Variants in MGST3 observed in about 807,000 individuals in gnomAD.
The protein encoded by MGST3 is glutathione S-transferase 3, mitochondrial.
In MGST3, 13 loss-of-function variants were observed where a neutral mutation model predicts 15.8. That is an observed-to-expected ratio of 0.82 (90% confidence interval 0.54 to 1.31). The LOEUF is 1.31. Among genes scored for constraint, MGST3 ranks in the 50% most tolerant of loss-of-function variants. MGST3 has a pLI of 0.00. For synonymous variants in MGST3, 49 were observed against 68.1 expected (o/e 0.72, Z 1.38); for missense variants, 155 against 192.4 (o/e 0.81, Z 1.15).
At chr1:165,652,460 T>G (rs1648585997) in intron 4 of MGST3, among the ~76,000 whole-genome samples, 3 of 148,462 alleles carry the variant, frequency 2.0e-5, no homozygotes, top group Admixed American at 1.3e-4. Context: ...TTGTGGGGTG[T>G]GGGGTGGTCA....
At position 165,645,338 on chromosome 1, in the gene MGST3, G is replaced by A. The variant is rs564484283; in HGVS notation, c.-7-4503G>A. 1.3e-4 allele frequency among the ~76,000 whole-genome samples: 19 copies of A among 151,976 alleles called. No homozygotes were observed. The South Asian group carries it at 1.9e-3, about 15-fold the overall frequency. On this transcript the variant is annotated intron_variant, in intron 1 of 5. Coordinates refer to ENST00000367889, the MANE Select transcript of MGST3 (RefSeq NM_004528.4). ...TACAGGGTCAGGATCATCAGTATCC[G>A]TCTTCTGCCTCCACATCTTGCCCCA...
rs751677791 is a variant in MGST3, at chr1:165,655,378, G to T, written c.333G>T (p.Lys111Asn). 1 of 1,613,986 alleles carries T rather than the reference G, an allele frequency of 6.2e-7. No individual in the cohort carries two copies. The highest frequency in any genetic ancestry group is 8.5e-7 in the Non-Finnish European group (1 of 1,179,936). The change falls in exon 6 of 6, where the codon AAG (lysine) becomes AAT (asparagine). Residue 111 changes from lysine (K) to asparagine (N), a missense_variant. Transcript: ENST00000367889. ...AYGYYTGEPS[K>N]RSRGALGSIA... ...TTTCTTCTTTTTCAGAACCCAGCAAGCGTAGTCGAGGAGCCCTGGGGTCCA... is the reference window on the plus strand; with the variant it reads ...TTTCTTCTTTTTCAGAACCCAGCAATCGTAGTCGAGGAGCCCTGGGGTCCA...
intron 1 of MGST3, among the ~76,000 whole-genome samples, chr1:165,644,981 G>A (rs1648359073): frequency 6.6e-6 from 1 of 152,074 alleles, no homozygotes; most frequent in African/African-American, 2.4e-5. Flanking sequence ...GGCTGGTTTT[G>A]AACTCCTGAC....
At chr1:165,643,320 A>C (rs1648308633) in intron 1 of MGST3, among the ~76,000 whole-genome samples, 1 of 152,112 alleles carries the variant, frequency 6.6e-6, no homozygotes, top group Non-Finnish European at 1.5e-5. Context: ...CATCATAAAT[A>C]TTGCTGAAGT....
intron 1 of MGST3, chr1:165,647,001 A>T (rs1648423013): frequency 6.6e-6 from 1 of 152,250 alleles, no homozygotes; most frequent in African/African-American, 2.4e-5. Context: ...AGGCACTTGC[A>T]CTGTCCCTAT....
intron 1 of MGST3, among the ~76,000 whole-genome samples, chr1:165,634,516 C>T (rs1322736671): frequency 6.6e-6 from 1 of 152,114 alleles, no homozygotes; most frequent in Non-Finnish European, 1.5e-5. Context: ...TATCACTACC[C>T]TTCAGACACA....
At chr1:165,646,009 C>T (rs1378554679) in intron 1 of MGST3, 1 of 152,182 alleles carries the variant, frequency 6.6e-6, no homozygotes, top group Non-Finnish European at 1.5e-5. Context: ...GGGCAAAGTT[C>T]CCACTCTCAA....
intron 1 of MGST3, chr1:165,635,605 A>C (rs1229388063): frequency 6.6e-6 from 1 of 152,240 alleles, no homozygotes; most frequent in African/African-American, 2.4e-5. Context: ...CAGTACCAAC[A>C]GTTTACCAAA....
At chr1:165,633,417 G>A (rs985284778) in intron 1 of MGST3, among the ~76,000 whole-genome samples, 2 of 152,120 alleles carry the variant, frequency 1.3e-5, no homozygotes, top group East Asian at 1.9e-4. Flanking sequence ...TGCGTTCTAC[G>A]ATTTAGTTGC....
chr1:165,654,059 C>T, intron 4 of MGST3: 1 of 543,232 alleles, frequency 1.8e-6, no homozygotes, highest in Non-Finnish European at 3.3e-6. Flanking sequence ...GGCCAATACT[C>T]ATCTCCCAGG....
At chr1:165,641,067 C>G (rs1648250770) in intron 1 of MGST3, among the ~76,000 whole-genome samples, 1 of 152,138 alleles carries the variant, frequency 6.6e-6, no homozygotes, top group Non-Finnish European at 1.5e-5. Flanking sequence ...CCTATAATCC[C>G]TGCTACTCGG....
At chr1:165,638,727 G>C (rs999054655) in intron 1 of MGST3, among the ~76,000 whole-genome samples, 3 of 150,802 alleles carry the variant, frequency 2.0e-5, no homozygotes, top group African/African-American at 7.3e-5. Context: ...AGGTTGCAGT[G>C]AGCCAAGATC....
chr1:165,651,766 G>A (rs1029809570), intron 3 of MGST3: 7 of 488,322 alleles, frequency 1.4e-5, no homozygotes, highest in Middle Eastern at 5.8e-4. Context: ...ATGGTGGCAC[G>A]CACCTGTAAT....
At chr1:165,632,332 T>C (rs1647977968) in intron 1 of MGST3, 10 of 1,585,690 alleles carry the variant, frequency 6.3e-6, no homozygotes, top group Non-Finnish European at 8.6e-6. Flanking sequence ...TTTAGATTGC[T>C]GGTGGGTAGG....
At chr1:165,651,636 G>A in intron 3 of MGST3, 1 of 330,876 alleles carries the variant, frequency 3.0e-6, no homozygotes, top group South Asian at 2.8e-5. Context: ...GGTGAGGTGG[G>A]CTCACACCTG....
At position 165,655,349 on chromosome 1, in the gene MGST3, GTTCTTTC is replaced by G; in HGVS notation, c.323-12_323-6del. The G allele has an allele frequency of 6.2e-7, 1 of 1,613,776 alleles. No homozygotes were observed. The highest frequency in any genetic ancestry group is 8.5e-7 in the Non-Finnish European group (1 of 1,179,824). Reference sequence around the variant, plus strand: ...TTCTGGAGCACTCCTGGTAACTTCTGTTCTTTCTTCTTTTTCAGAACCCAGCAAGCGT... The same window carrying G: ...TTCTGGAGCACTCCTGGTAACTTCTGTTCTTTTTCAGAACCCAGCAAGCGT... On this transcript the variant is annotated splice_polypyrimidine_tract_variant and intron_variant, in intron 5 of 5. Coordinates refer to ENST00000367889, the MANE Select transcript of MGST3 (RefSeq NM_004528.4).
At chr1:165,632,204 G>A (rs1299814390) in intron 1 of MGST3, 2 of 1,605,852 alleles carry the variant, frequency 1.2e-6, no homozygotes, top group Non-Finnish European at 1.7e-6. Flanking sequence ...GGAGAGGCAG[G>A]GGTTAGAACT....
intron 1 of MGST3, among the ~76,000 whole-genome samples, chr1:165,648,104 C>T (rs928477195): frequency 7.2e-5 from 11 of 152,354 alleles, no homozygotes; most frequent in Admixed American, 7.2e-4. Flanking sequence ...TGGCTTCCTC[C>T]TCATGCTGAC....
intron 2 of MGST3, chr1:165,650,192 A>G (rs1376028924): frequency 1.2e-5 from 7 of 565,142 alleles, no homozygotes; most frequent in Non-Finnish European, 3.1e-6. Flanking sequence ...TCTTCGGTAG[A>G]AAGACCAGGA....
Sources: allele counts gnomAD v4.1 joint callset (sites outside exome capture counted in the v4.1 genomes callset), GRCh38; gene constraint gnomAD v4.1.1; transcripts MANE v1.5; gene names NCBI Gene and HGNC (gene_info 2026-07-23, HGNC 2026-07-21).